Variants in NRG3 observed in about 807,000 individuals in gnomAD.
NRG3 encodes pro-neuregulin-3, membrane-bound isoform.
Under a neutral mutation model 66.9 loss-of-function variants are expected in NRG3, and 31 were observed. The observed-to-expected ratio is 0.46, with a 90% CI of 0.35 to 0.63. NRG3 has a LOEUF of 0.63. Among genes scored for constraint, NRG3 ranks in the 20% least tolerant of loss-of-function variants. The pLI, the probability that NRG3 is intolerant of heterozygous loss-of-function variation, is 0.00. For missense variants in NRG3, 910 were observed against 878.9 expected (o/e 1.04, Z -0.45); for synonymous variants, 393 against 359.4 (o/e 1.09, Z -1.06).
chr10:82,696,466 A>T (rs758909357), intron 2 of NRG3, among the ~76,000 whole-genome samples: 4 of 152,164 alleles, frequency 2.6e-5, no homozygotes, highest in Non-Finnish European at 4.4e-5. Flanking sequence ...ACCTGGAATG[A>T]TGACAAGCAC....
intron 3 of NRG3, among the ~76,000 whole-genome samples, chr10:82,853,498 G>C (rs1227299525): frequency 1.3e-5 from 2 of 152,180 alleles, no homozygotes; most frequent in East Asian, 3.9e-4. Context: ...TCCTTGTAGA[G>C]GTCTTTCATC....
intron 1 of NRG3, among the ~76,000 whole-genome samples, chr10:82,195,884 G>C (rs1354088059): frequency 6.6e-6 from 1 of 152,172 alleles, no homozygotes; most frequent in African/African-American, 2.4e-5. Flanking sequence ...TGCAGATGAA[G>C]GAATGTAGGC....
chr10:82,774,185 TTTA>T (rs2059815070), intron 3 of NRG3, among the ~76,000 whole-genome samples: 1 of 152,194 alleles, frequency 6.6e-6, no homozygotes, highest in African/African-American at 2.4e-5. Context: ...TTGCTAGTGT[TTTA>T]TTGAGTATTT....
chr10:82,244,573 T>A (rs942470703), intron 1 of NRG3, among the ~76,000 whole-genome samples: 1 of 152,212 alleles, frequency 6.6e-6, no homozygotes, highest in African/African-American at 2.4e-5. Context: ...AAAAATATTT[T>A]GCTTTAGAAG....
chr10:82,897,063 C>G (rs780061486), intron 4 of NRG3, among the ~76,000 whole-genome samples: 1 of 152,154 alleles, frequency 6.6e-6, no homozygotes, highest in Non-Finnish European at 1.5e-5. Context: ...AAACTTTTAT[C>G]ATCACGATAC....
chr10:82,378,536 C>G (rs1215918594), intron 2 of NRG3, among the ~76,000 whole-genome samples: 1 of 151,784 alleles, frequency 6.6e-6, no homozygotes, highest in East Asian at 1.9e-4. Flanking sequence ...CCATTCCTCC[C>G]TCCCTCTCTT....
At chr10:82,613,855 A>T (rs1185153009) in intron 2 of NRG3, among the ~76,000 whole-genome samples, 2 of 104,686 alleles carry the variant, frequency 1.9e-5, no homozygotes, top group African/African-American at 7.6e-5. Context: ...ACCCCACAAC[A>T]GTCCCCAGAG....
At chr10:82,107,139 G>A in intron 1 of NRG3, among the ~76,000 whole-genome samples, 1 of 152,102 alleles carries the variant, frequency 6.6e-6, no homozygotes, top group East Asian at 1.9e-4. Context: ...CTCAGATTTT[G>A]GAATGCTTGC....
At chr10:82,726,033 A>C (rs1356413530) in intron 2 of NRG3, among the ~76,000 whole-genome samples, 1 of 152,152 alleles carries the variant, frequency 6.6e-6, no homozygotes, top group Non-Finnish European at 1.5e-5. Flanking sequence ...GGGCTTATAA[A>C]AAGAGAGAAT....
At chr10:82,486,115 G>T (rs1756324008) in intron 2 of NRG3, among the ~76,000 whole-genome samples, 1 of 152,116 alleles carries the variant, frequency 6.6e-6, no homozygotes, top group South Asian at 2.1e-4. Flanking sequence ...TCACACTTCT[G>T]AGCATGGCCA....
At chr10:82,362,335 G>A (rs112511338) in intron 2 of NRG3, among the ~76,000 whole-genome samples, 40 of 42,044 alleles carry the variant, frequency 9.5e-4, no homozygotes, top group South Asian at 2.6e-3. Context: ...ATATATATAT[G>A]TGTGTGTGTG....
chr10:82,843,408 T>A (rs2063157832), intron 3 of NRG3, among the ~76,000 whole-genome samples: 1 of 152,112 alleles, frequency 6.6e-6, no homozygotes, highest in Non-Finnish European at 1.5e-5. Context: ...CAGCCCCCAA[T>A]CCTAGACTTT....
At chr10:82,643,831 C>G (rs887484860) in intron 2 of NRG3, among the ~76,000 whole-genome samples, 1 of 151,816 alleles carries the variant, frequency 6.6e-6, no homozygotes, top group African/African-American at 2.4e-5. Context: ...TGCTTTTCAG[C>G]TCCTCCGTTT....
At chr10:81,984,743 C>T (rs995956394) in intron 1 of NRG3, among the ~76,000 whole-genome samples, 5 of 152,044 alleles carry the variant, frequency 3.3e-5, no homozygotes, top group South Asian at 2.1e-4. Flanking sequence ...TTATATCTAT[C>T]GAGACAGATA....
chr10:81,966,172 T>C (rs1293642525), intron 1 of NRG3, among the ~76,000 whole-genome samples: 1 of 151,828 alleles, frequency 6.6e-6, no homozygotes, highest in African/African-American at 2.4e-5. Flanking sequence ...AATGAATTGA[T>C]TTACATTAAT....
intron 1 of NRG3, among the ~76,000 whole-genome samples, chr10:81,926,388 TG>T (rs1432117708): frequency 6.6e-6 from 1 of 152,142 alleles, no homozygotes; most frequent in African/African-American, 2.4e-5. Context: ...CCCAAATTGC[TG>T]GGATTATAGG....
chr10:82,952,889 T>C (rs2132377748), intron 5 of NRG3, among the ~76,000 whole-genome samples: 1 of 152,096 alleles, frequency 6.6e-6, no homozygotes, highest in East Asian at 1.9e-4. Flanking sequence ...TATTTCAGAA[T>C]GTTTTTTAGA....
At chr10:82,299,088 C>T (rs1390440647) in intron 1 of NRG3, among the ~76,000 whole-genome samples, 1 of 152,102 alleles carries the variant, frequency 6.6e-6, no homozygotes, top group Non-Finnish European at 1.5e-5. Context: ...GAGCACCCCA[C>T]CCACCATGGA....
chr10:81,966,958 CTCTT>C (rs1438077760), intron 1 of NRG3, among the ~76,000 whole-genome samples: 5 of 151,096 alleles, frequency 3.3e-5, no homozygotes, highest in African/African-American at 7.4e-5. Flanking sequence ...TTTGTTCTCT[CTCTT>C]TATTGCTTTT....
Sources: gnomAD v4.1 joint callset for allele counts (sites outside exome capture counted in the v4.1 genomes callset) on GRCh38, gnomAD v4.1.1 for gene constraint, MANE v1.5 for transcripts, NCBI Gene and HGNC (gene_info 2026-07-23, HGNC 2026-07-21) for gene names.